The following SLC14A2 variants were observed in gnomAD, a reference collection of about 807,000 sequenced individuals.
SLC14A2 encodes the protein solute carrier family 14 member 2, also known as urea transporter 2.
Under a neutral mutation model 104.6 loss-of-function variants are expected in SLC14A2, and 91 were observed. The observed-to-expected ratio is 0.87, with a 90% CI of 0.73 to 1.04. The LOEUF (loss-of-function observed/expected upper bound fraction) is 1.04. SLC14A2 is among the 50% of genes least tolerant of loss of function. The pLI is 0.00. For synonymous variants in SLC14A2, 476 were observed against 466.4 expected (o/e 1.02, Z -0.27); for missense variants, 1,189 against 1,156.0 (o/e 1.03, Z -0.41).
chr18:45,589,643 AG>A (rs1420436746), intron 2 of SLC14A2, among the ~76,000 whole-genome samples: 1 of 152,326 alleles, frequency 6.6e-6, no homozygotes, highest in East Asian at 1.9e-4. Context: ...ACCCAGATGC[AG>A]GGCTTCAGCC....
At chr18:45,467,000 A>G (rs1444840684) in intron 1 of SLC14A2, among the ~76,000 whole-genome samples, 2 of 152,086 alleles carry the variant, frequency 1.3e-5, no homozygotes, top group Non-Finnish European at 2.9e-5. Flanking sequence ...ATGATGACAC[A>G]ATGTCCATGT....
At chr18:45,330,554 C>T (rs1431349906) in intron 1 of SLC14A2, among the ~76,000 whole-genome samples, 3 of 152,198 alleles carry the variant, frequency 2.0e-5, no homozygotes, top group Non-Finnish European at 4.4e-5. Context: ...CTAAAGAAGG[C>T]AGAATGCCTG....
chr18:45,180,861 T>C, the SLC14A2 span: 1 of 151,896 alleles, frequency 6.6e-6, no homozygotes. Flanking sequence ...AATAAGAAAA[T>C]AAAAAAGTTT....
rs202227442 is a variant in SLC14A2 at position 45,421,256 on chromosome 18, C to CTT, written c.-124-61965_-124-61964dup. On this transcript the variant is annotated intron_variant, in intron 1 of 20. Transcript: ENST00000586448. The stretch of plus-strand genomic sequence containing the variant: ...ACCCACATTCTATTTAACATCGATC[C>CTT]TTTTTTTTTTTTTAATCAATTTCCC... Among the ~76,000 whole-genome samples the CTT allele has an allele frequency of 4.3e-4, 61 of 142,596 alleles. No homozygotes were observed. In the East Asian group the frequency reaches 9.5e-3, roughly 22 times the overall value. 93.5% of individuals were successfully genotyped at this position (142,596 alleles called of 152,430 possible).
At chr18:45,361,751 T>C (rs925420025) in intron 1 of SLC14A2, among the ~76,000 whole-genome samples, 4 of 152,178 alleles carry the variant, frequency 2.6e-5, no homozygotes, top group African/African-American at 9.7e-5. Flanking sequence ...CTCCCTGTTT[T>C]ACAGTCTGAG....
rs192984119 is a variant in SLC14A2, at chr18:45,297,213, A to T, written c.-125+84022A>T. ...CCCAATAATGCCTTGTTAGAAGGTG[A>T]TATTTCTTGAGGGTACAGCAACTAT... On this transcript the variant is annotated intron_variant, in intron 1 of 20. Transcript: ENST00000586448. 1.8e-4 allele frequency among the ~76,000 whole-genome samples: 28 copies of T among 152,360 alleles called. No individual in the cohort carries two copies. The East Asian group carries it at 5.2e-3, about 28-fold the overall frequency.
rs530134451 is a variant in SLC14A2, at chr18:45,551,916, T to G, written c.-35+68594T>G. ...CTGGAACACTGATCCTCAGCTGATA[T>G]TGCCATAAGTACTATTGCATAGTAT... On this transcript the variant is annotated intron_variant, in intron 2 of 20. Coordinates refer to the SLC14A2 transcript ENST00000586448. Among the ~76,000 whole-genome samples, 6 of 152,346 alleles carry G rather than the reference T, an allele frequency of 3.9e-5. No homozygotes were observed. In the East Asian group the frequency reaches 1.2e-3, roughly 29 times the overall value.
chr18:45,391,828 C>T (rs757737825), intron 1 of SLC14A2, among the ~76,000 whole-genome samples: 61 of 152,146 alleles, frequency 4.0e-4, no homozygotes, highest in Non-Finnish European at 5.4e-4. Context: ...GGATACTAGC[C>T]GTTTGTCAGA....
intron 1 of SLC14A2, among the ~76,000 whole-genome samples, chr18:45,325,107 C>A (rs937906857): frequency 2.6e-5 from 4 of 152,162 alleles, no homozygotes; most frequent in African/African-American, 9.7e-5. Flanking sequence ...CTGTCAGCCT[C>A]CACTTGCTCT....
intron 1 of SLC14A2, among the ~76,000 whole-genome samples, chr18:45,379,564 G>C (rs1385175702): frequency 2.0e-5 from 3 of 152,092 alleles, no homozygotes; most frequent in African/African-American, 7.2e-5. Context: ...TCCTCTAAAA[G>C]GTTCCCAAAT....
At chr18:45,510,681 G>A (rs2043354130) in intron 2 of SLC14A2, among the ~76,000 whole-genome samples, 1 of 152,050 alleles carries the variant, frequency 6.6e-6, no homozygotes, top group Admixed American at 6.6e-5. Context: ...CACCGAGAGA[G>A]GCATAGAGAT....
chr18:45,391,409 A>G (rs1294615145), intron 1 of SLC14A2, among the ~76,000 whole-genome samples: 1 of 152,248 alleles, frequency 6.6e-6, no homozygotes, highest in East Asian at 1.9e-4. Flanking sequence ...TCTTTAAAGC[A>G]GCATGATTTA....
the SLC14A2 span, among the ~76,000 whole-genome samples, chr18:45,180,420 T>A: frequency 6.6e-6 from 1 of 152,126 alleles, no homozygotes; most frequent in Non-Finnish European, 1.5e-5. Context: ...TAATAAGAAA[T>A]GTGGAAGTTG....
intron 1 of SLC14A2, among the ~76,000 whole-genome samples, chr18:45,229,889 T>G (rs2084157921): frequency 6.6e-6 from 1 of 152,024 alleles, no homozygotes. Flanking sequence ...AAAGCCAGAC[T>G]GCTTGGATTC....
chr18:45,265,522 GCCCAC>G (rs1480643918), intron 1 of SLC14A2, among the ~76,000 whole-genome samples: 1 of 152,052 alleles, frequency 6.6e-6, no homozygotes, highest in Non-Finnish European at 1.5e-5. Flanking sequence ...CTTTGTGTCT[GCCCAC>G]CCTTTCATTT....
At chr18:45,255,521 A>C (rs768084893) in intron 1 of SLC14A2, among the ~76,000 whole-genome samples, 2 of 152,206 alleles carry the variant, frequency 1.3e-5, no homozygotes, top group Non-Finnish European at 2.9e-5. Context: ...AATTTGCTTT[A>C]AAAGACCCTT....
At chr18:45,453,337 G>A (rs2086887180) in intron 1 of SLC14A2, among the ~76,000 whole-genome samples, 2 of 152,188 alleles carry the variant, frequency 1.3e-5, no homozygotes, top group Admixed American at 6.5e-5. Flanking sequence ...CAAACCAAGT[G>A]AGGCAACTCA....
At chr18:45,414,793 TATAG>T (rs1235483543) in intron 1 of SLC14A2, among the ~76,000 whole-genome samples, 10 of 113,306 alleles carry the variant, frequency 8.8e-5, no homozygotes, top group Non-Finnish European at 1.5e-4. Context: ...TATATATATA[TATAG>T]AAAAGTACAG....
rs1186259310 is a variant in SLC14A2 at position 45,500,589 on chromosome 18, A to AG, written c.-35+17267_-35+17268insG. Among the ~76,000 whole-genome samples, 88 of 144,552 alleles carry AG rather than the reference A, an allele frequency of 6.1e-4. 1 individual carries two copies. The highest frequency in any genetic ancestry group is 3.7e-3 in the Admixed American group (53 of 14,320). 94.8% of individuals were successfully genotyped at this position (144,552 alleles called of 152,430 possible). A position where few individuals can be genotyped will look rare whatever the true frequency, so the allele number is the denominator to read the frequency against. ...GAGACTCCGTCTCAAAAAAAAAAAA[A>AG]AAAAAAAGAAATCCTGCCCTTATCC... On this transcript the variant is annotated intron_variant, in intron 2 of 20. Coordinates refer to the SLC14A2 transcript ENST00000586448.
Sources: gnomAD v4.1 joint callset for allele counts (sites outside exome capture counted in the v4.1 genomes callset) on GRCh38, gnomAD v4.1.1 for gene constraint, MANE v1.5 for transcripts, NCBI Gene and HGNC (gene_info 2026-07-23, HGNC 2026-07-21) for gene names.